The following SLC25A21 variants were observed in gnomAD, a reference collection of about 807,000 sequenced individuals.
SLC25A21 encodes mitochondrial 2-oxodicarboxylate carrier.
SLC25A21 carries 47 observed loss-of-function variants against 43.8 expected under a neutral mutation model. The ratio of observed to expected loss-of-function variants is 1.07; its 90% CI spans 0.85 to 1.37. The LOEUF (loss-of-function observed/expected upper bound fraction) is 1.37. Among genes scored for constraint, SLC25A21 ranks in the 40% most tolerant of loss-of-function variants. The pLI, the probability that SLC25A21 is intolerant of heterozygous loss-of-function variation, is 0.00. For missense variants in SLC25A21, 352 were observed against 350.2 expected, an observed-to-expected ratio of 1.00 and a Z score of -0.04; for synonymous variants, 131 against 121.3, an observed-to-expected ratio of 1.08 and a Z score of -0.52.
At chr14:36,722,660 GTTTCTT>G (rs1311362474) in intron 6 of SLC25A21, among the ~76,000 whole-genome samples, 1 of 151,992 alleles carries the variant, frequency 6.6e-6, no homozygotes, top group Non-Finnish European at 1.5e-5. Flanking sequence ...AATTTCACCT[GTTTCTT>G]TTTATTTTTT....
At chr14:37,164,390 A>AGTAGGTGAG (rs1963997805) in intron 1 of SLC25A21, among the ~76,000 whole-genome samples, 1 of 152,180 alleles carries the variant, frequency 6.6e-6, no homozygotes, top group South Asian at 2.1e-4. Context: ...AATGGGTTCC[A>AGTAGGTGAG]GCCACCCTTT....
chr14:37,104,087 T>A (rs927306225), intron 1 of SLC25A21, among the ~76,000 whole-genome samples: 6 of 152,210 alleles, frequency 3.9e-5, no homozygotes. Context: ...ACTTCCCTCC[T>A]CTTCAGAAAT....
chr14:37,140,300 G>C (rs1417022594), intron 1 of SLC25A21, among the ~76,000 whole-genome samples: 2 of 152,144 alleles, frequency 1.3e-5, no homozygotes, highest in Non-Finnish European at 2.9e-5. Context: ...AATTCCTTAA[G>C]GGCAAGAACT....
Position 36,896,504 on chromosome 14 carries a change from T to A in SLC25A21, c.71-21500A>T, listed in dbSNP as rs553612459. Among the ~76,000 whole-genome samples, 48 of 152,336 alleles carry A rather than the reference T, an allele frequency of 3.2e-4. No homozygotes were observed. The East Asian group carries it at 4.8e-3, about 15-fold the overall frequency. On this transcript the variant is annotated intron_variant, in intron 1 of 9. Transcript: ENST00000331299. ...CTTGACTCTTTATCCAATTTGCCAGTCTGTGTCTTTTAATTGGAGCATTTA... is the reference window on the plus strand; with the variant it reads ...CTTGACTCTTTATCCAATTTGCCAGACTGTGTCTTTTAATTGGAGCATTTA...
intron 1 of SLC25A21, among the ~76,000 whole-genome samples, chr14:37,164,070 T>C (rs1482211367): frequency 1.3e-5 from 2 of 152,200 alleles, no homozygotes; most frequent in Non-Finnish European, 2.9e-5. Context: ...TAAAATATTG[T>C]ATAAAAGTTG....
intron 1 of SLC25A21, among the ~76,000 whole-genome samples, chr14:37,063,178 C>G (rs978095879): frequency 6.6e-6 from 1 of 152,040 alleles, no homozygotes; most frequent in Admixed American, 6.6e-5. Flanking sequence ...TCTCACAACA[C>G]GTGGGGATTA....
intron 1 of SLC25A21, among the ~76,000 whole-genome samples, chr14:37,119,409 C>T (rs573662911): frequency 2.0e-5 from 3 of 151,958 alleles, no homozygotes; most frequent in African/African-American, 4.8e-5. Flanking sequence ...ATTATCCAGG[C>T]GTGGTGGTGT....
intron 2 of SLC25A21, among the ~76,000 whole-genome samples, chr14:36,815,946 T>C (rs532414598): frequency 6.6e-6 from 1 of 152,316 alleles, no homozygotes; most frequent in African/African-American, 2.4e-5. Flanking sequence ...AAAATGCTTT[T>C]CTTAGATTGT....
At chr14:36,803,662 C>T (rs906069708) in intron 3 of SLC25A21, among the ~76,000 whole-genome samples, 4 of 152,164 alleles carry the variant, frequency 2.6e-5, no homozygotes, top group African/African-American at 9.7e-5. Flanking sequence ...TTGTTTTCCT[C>T]TGAGTTCCAC....
chr14:36,861,942 G>A (rs1472814672), intron 2 of SLC25A21, among the ~76,000 whole-genome samples: 1 of 152,202 alleles, frequency 6.6e-6, no homozygotes, highest in Non-Finnish European at 1.5e-5. Flanking sequence ...ATAAAAAAGT[G>A]CACGAAGGAC....
At chr14:37,118,241 T>C (rs958728246) in intron 1 of SLC25A21, among the ~76,000 whole-genome samples, 4 of 152,154 alleles carry the variant, frequency 2.6e-5, no homozygotes, top group East Asian at 1.9e-4. Context: ...TTTCAGGTTT[T>C]TGCATTTCTG....
intron 1 of SLC25A21, among the ~76,000 whole-genome samples, chr14:36,882,126 T>C (rs1446149657): frequency 2.0e-5 from 3 of 152,212 alleles, no homozygotes; most frequent in African/African-American, 4.8e-5. Flanking sequence ...CTCACACCTG[T>C]AATCCCAGCA....
At chr14:36,934,701 T>TAC (rs1313356863) in intron 1 of SLC25A21, among the ~76,000 whole-genome samples, 7 of 131,500 alleles carry the variant, frequency 5.3e-5, no homozygotes, top group East Asian at 2.0e-4. Flanking sequence ...CTTAGAGTTA[T>TAC]ACACACACAC....
intron 1 of SLC25A21, among the ~76,000 whole-genome samples, chr14:36,970,168 C>A (rs1024002248): frequency 6.6e-6 from 1 of 152,102 alleles, no homozygotes; most frequent in Non-Finnish European, 1.5e-5. Flanking sequence ...AGCTAGCTCT[C>A]AGTCAGGATT....
intron 1 of SLC25A21, among the ~76,000 whole-genome samples, chr14:37,106,393 G>C (rs915200310): frequency 1.3e-5 from 2 of 152,074 alleles, no homozygotes; most frequent in African/African-American, 4.8e-5. Flanking sequence ...ATAAACGGCT[G>C]CTCTGGGAGT....
intron 7 of SLC25A21, among the ~76,000 whole-genome samples, chr14:36,701,070 G>A (rs1290575442): frequency 6.6e-6 from 1 of 152,140 alleles, no homozygotes; most frequent in Non-Finnish European, 1.5e-5. Flanking sequence ...AGTAGAGTCA[G>A]CTCTCACTAT....
chr14:36,732,076 C>A (rs957438504), intron 4 of SLC25A21, among the ~76,000 whole-genome samples: 2 of 152,160 alleles, frequency 1.3e-5, no homozygotes, highest in African/African-American at 4.8e-5. Context: ...TCTATCTCCA[C>A]CAGGAGTGGA....
rs202160538 is a variant in SLC25A21, at chr14:37,172,318, G to T, written c.33C>A (p.Arg11=). Residue 11 remains arginine, a synonymous_variant, in exon 1 of 10, where the codon CGC becomes CGA. Transcript: ENST00000331299. ...CGGCCACGATCTGCCGAGAAGCCTC[G>T]CGCACTAAGCTGACTTCAGGCTTGG... MSAKPEVSLV[R]EASRQIVAGG... 2 of 1,603,094 alleles carry T rather than the reference G, an allele frequency of 1.2e-6. No homozygotes were observed. Among genetic ancestry groups the T allele is most frequent in the Non-Finnish European group, 1.7e-6 (2 of 1,174,992 alleles).
chr14:37,012,432 GATT>G (rs1238302582), intron 1 of SLC25A21, among the ~76,000 whole-genome samples: 18 of 152,038 alleles, frequency 1.2e-4, no homozygotes, highest in African/African-American at 3.9e-4. Flanking sequence ...CTTAAAATGA[GATT>G]ATTATAAAAT....
Sources: allele counts gnomAD v4.1 joint callset (sites outside exome capture counted in the v4.1 genomes callset), GRCh38; gene constraint gnomAD v4.1.1; transcripts MANE v1.5; gene names NCBI Gene and HGNC (gene_info 2026-07-23, HGNC 2026-07-21).